VTA1: variants seen among roughly 807,000 people sequenced by gnomAD.
VTA1 encodes vacuolar protein sorting-associated protein VTA1 homolog.
A neutral mutation model predicts 36.9 loss-of-function variants in VTA1; 24 were observed. The observed-to-expected ratio is 0.65, with a 90% confidence interval of 0.47 to 0.91. The LOEUF is 0.91. Ranked by LOEUF, VTA1 falls within the 40% of genes least tolerant of loss-of-function variation. The pLI is 0.00. For synonymous variants in VTA1, 142 were observed against 130.2 expected, an observed-to-expected ratio of 1.09 and a Z score of -0.62; for missense variants, 393 against 377.2, an observed-to-expected ratio of 1.04 and a Z score of -0.35.
chr6:142,158,711 T>C (rs1778712306), intron 1 of VTA1, among the ~76,000 whole-genome samples: 1 of 152,202 alleles, frequency 6.6e-6, no homozygotes, highest in Non-Finnish European at 1.5e-5. Context: ...CTTTCTCCTT[T>C]TTCTGCCTTT....
intron 1 of VTA1, among the ~76,000 whole-genome samples, chr6:142,152,109 AT>A (rs35388230): frequency 0.015 from 2,278 of 147,760 alleles, 20 homozygotes; most frequent in African/African-American, 0.034. Flanking sequence ...TGTTATTACT[AT>A]TTTTTTTTTT....
intron 5 of VTA1, among the ~76,000 whole-genome samples, chr6:142,194,070 A>T (rs1369839212): frequency 6.6e-6 from 1 of 152,086 alleles, no homozygotes; most frequent in Non-Finnish European, 1.5e-5. Context: ...GTCCAGTGAT[A>T]TGGGGCATGT....
chr6:142,181,297 C>G (rs1775233950), intron 4 of VTA1, among the ~76,000 whole-genome samples: 1 of 147,606 alleles, frequency 6.8e-6, no homozygotes, highest in Admixed American at 6.7e-5. Flanking sequence ...CCATGCCCAG[C>G]TAATTTTTTG....
Position 142,221,039 on chromosome 6 carries a change from CTGAGTTT to C in VTA1, c.*2398_*2404del, listed in dbSNP as rs1776100399. ...AACTCTAGGGATGGGTCCCAGCCTT[CTGAGTTT>C]TAAGAGACACTTAAGGTGGTCCCTA... On this transcript the variant is annotated 3_prime_UTR_variant, in exon 8 of 8. Transcript: ENST00000367630. 1 of 152,224 alleles carries C rather than the reference CTGAGTTT, an allele frequency of 6.6e-6. No homozygotes were observed. The highest frequency in any genetic ancestry group is 2.4e-5 in the African/African-American group (1 of 41,462). The allele number at this position is 152,224 out of a possible 1,614,324, so 9.4% of individuals were successfully genotyped here. A position where few individuals can be genotyped will look rare whatever the true frequency, so the allele number is the denominator to read the frequency against.
rs538691348 is a variant in VTA1 at position 142,166,616 on chromosome 6, T to C, written c.207+294T>C. On this transcript the variant is annotated intron_variant, in intron 2 of 7. Coordinates refer to ENST00000367630, the MANE Select transcript of VTA1 (RefSeq NM_016485.5). ...CTTTTATAGGTGAAAAACCCCTCCTTTTTTTTTTTTTAAGTTGAGACAGGG... is the reference window on the plus strand; with the variant it reads ...CTTTTATAGGTGAAAAACCCCTCCTCTTTTTTTTTTTAAGTTGAGACAGGG... Among the ~76,000 whole-genome samples, 235 of 145,818 alleles carry C rather than the reference T, an allele frequency of 1.6e-3. 1 individual carries two copies. Among genetic ancestry groups the C allele is most frequent in the Non-Finnish European group, 1.5e-3 (98 of 65,872 alleles).
intron 5 of VTA1, among the ~76,000 whole-genome samples, chr6:142,191,977 G>GT (rs1775464080): frequency 6.6e-6 from 1 of 151,964 alleles, no homozygotes; most frequent in South Asian, 2.1e-4. Flanking sequence ...TGAATTTCTA[G>GT]TAAAACCGTA....
Position 142,218,968 on chromosome 6 carries a change from A to G in VTA1, c.*325A>G, listed in dbSNP as rs1776053372. Reference sequence around the variant, plus strand: ...GGGAATAAGCTTTGTATTTACATACATTAGGGGAATTTTTTAAAATCTGTA... The same window carrying G: ...GGGAATAAGCTTTGTATTTACATACGTTAGGGGAATTTTTTAAAATCTGTA... On this transcript the variant is annotated 3_prime_UTR_variant, in exon 8 of 8. Transcript: ENST00000367630. 6.0e-6 allele frequency: 1 copy of G among 167,716 alleles called. No individual in the cohort carries two copies. The highest frequency in any genetic ancestry group is 2.0e-4 in the South Asian group (1 of 5,072). 10.4% of individuals were successfully genotyped at this position (167,716 alleles called of 1,614,324 possible). A position where few individuals can be genotyped will look rare whatever the true frequency, so the allele number is the denominator to read the frequency against.
chr6:142,170,471 C>G (rs1170391007), intron 4 of VTA1, 50 bp downstream of exon 4: 1 of 1,250,130 alleles, frequency 8.0e-7, no homozygotes, highest in Admixed American at 2.2e-5. Flanking sequence ...AGTAATGTTT[C>G]TGTTTATCAA....
At chr6:142,187,216 CT>C (rs1345867001) in intron 4 of VTA1, among the ~76,000 whole-genome samples, 1 of 152,076 alleles carries the variant, frequency 6.6e-6, no homozygotes, top group Non-Finnish European at 1.5e-5. Flanking sequence ...TGAAGGTCAG[CT>C]AGAGGATTAG....
rs1180502113 is a variant in VTA1 at position 142,220,013 on chromosome 6, CAA to C, written c.*1372_*1373del. ...AGTCTAATGGCCTTTTGGGAAAAAACAAATCACTAACTCATAATCATTTATAT... is the reference window on the plus strand; with the variant it reads ...AGTCTAATGGCCTTTTGGGAAAAAACATCACTAACTCATAATCATTTATAT... On this transcript the variant is annotated 3_prime_UTR_variant, in exon 8 of 8. Transcript: ENST00000367630. 1.3e-5 allele frequency: 2 copies of C among 152,146 alleles called. No homozygotes were observed. The highest frequency in any genetic ancestry group is 2.9e-5 in the Non-Finnish European group (2 of 68,018). The allele number at this position is 152,146 out of a possible 1,614,324, so 9.4% of individuals were successfully genotyped here.
At chr6:142,151,879 C>T (rs775565301) in intron 1 of VTA1, among the ~76,000 whole-genome samples, 16 of 152,104 alleles carry the variant, frequency 1.1e-4, no homozygotes, top group Non-Finnish European at 1.9e-4. Context: ...ACTAAAAATA[C>T]AGAAATTAGC....
At chr6:142,166,389 C>A in intron 2 of VTA1, 67 bp downstream of exon 2, 2 of 1,198,386 alleles carry the variant, frequency 1.7e-6, no homozygotes, top group South Asian at 1.4e-5. Context: ...ATTTGCGTGT[C>A]TGTGTTGTCA....
Position 142,170,379 on chromosome 6 carries a change from T to C in VTA1, c.369T>C (p.Leu123=). 1.2e-6 allele frequency: 2 copies of C among 1,609,130 alleles called. No homozygotes were observed. The highest frequency in any genetic ancestry group is 1.7e-6 in the Non-Finnish European group (2 of 1,177,918). Residue 123 remains leucine, a synonymous_variant, in exon 4 of 8, where the codon CTT becomes CTC. Transcript: ENST00000367630. ...NMIKSFYTAS[L]LIDVITVFGE... ...TCAAGTCCTTCTATACTGCAAGTCT[T>C]TTGATAGATGTCATAACAGTATTTG... is the stretch of plus-strand genomic sequence containing the variant.
chr6:142,220,202 G>T lies in VTA1; in HGVS notation c.*1559G>T, dbSNP rs1344521596. 6.6e-6 allele frequency: 1 copy of T among 152,178 alleles called. No homozygotes were observed. The highest frequency in any genetic ancestry group is 1.5e-5 in the Non-Finnish European group (1 of 68,034). The allele number at this position is 152,178 out of a possible 1,614,324, so 9.4% of individuals were successfully genotyped here. ...TACAAGAGGTATGAACATTTGTAGG[G>T]TTCCACATTTGCATCTAGAAATCCA... On this transcript the variant is annotated 3_prime_UTR_variant, in exon 8 of 8. Transcript: ENST00000367630.
At chr6:142,178,528 A>G (rs1238772221) in intron 4 of VTA1, among the ~76,000 whole-genome samples, 1 of 152,142 alleles carries the variant, frequency 6.6e-6, no homozygotes, top group African/African-American at 2.4e-5. Flanking sequence ...ACAGGAAGGA[A>G]TGAACAACAC....
chr6:142,209,649 C>T (rs184587062), intron 7 of VTA1, among the ~76,000 whole-genome samples: 4 of 150,074 alleles, frequency 2.7e-5, no homozygotes, highest in Admixed American at 6.6e-5. Context: ...ACCTGGGAAC[C>T]GATCTAACTA....
At chr6:142,174,460 T>A (rs1775082194) in intron 4 of VTA1, among the ~76,000 whole-genome samples, 1 of 152,172 alleles carries the variant, frequency 6.6e-6, no homozygotes, top group Admixed American at 6.5e-5. Flanking sequence ...ATAAATAACT[T>A]GCTTTTAATC....
intron 6 of VTA1, among the ~76,000 whole-genome samples, chr6:142,202,525 A>G (rs1277031788): frequency 6.6e-6 from 1 of 152,032 alleles, no homozygotes; most frequent in Non-Finnish European, 1.5e-5. Context: ...TATACGTATT[A>G]ATCTGGAATT....
chr6:142,194,183 G>A (rs985457675), intron 5 of VTA1, among the ~76,000 whole-genome samples: 8 of 152,094 alleles, frequency 5.3e-5, no homozygotes, highest in African/African-American at 1.9e-4. Context: ...GAGTCAACAC[G>A]TTCCTCATTT....
Sources: allele counts gnomAD v4.1 joint callset (sites outside exome capture counted in the v4.1 genomes callset), GRCh38; gene constraint gnomAD v4.1.1; transcripts MANE v1.5; gene names NCBI Gene and HGNC (gene_info 2026-07-23, HGNC 2026-07-21).